Variants in TTC28 observed in about 807,000 individuals in gnomAD.
TTC28 encodes tetratricopeptide repeat domain 28.
In TTC28, 61 loss-of-function variants were observed where a neutral mutation model predicts 198.0. That is an observed-to-expected ratio of 0.31 (90% confidence interval 0.25 to 0.38). The LOEUF is 0.38. Among genes scored for constraint, TTC28 ranks in the 10% least tolerant of loss-of-function variants. The probability of loss-of-function intolerance (pLI) is 1.00; values close to 1 mark genes in which losing one functional copy is unlikely to be tolerated. For missense variants in TTC28, 2,678 were observed against 3,164.0 expected, an observed-to-expected ratio of 0.85 and a Z score of 3.69; for synonymous variants, 1,171 against 1,297.8, an observed-to-expected ratio of 0.90 and a Z score of 2.10.
chr22:28,357,070 A>G (rs892756712), intron 2 of TTC28, among the ~76,000 whole-genome samples: 1 of 152,132 alleles, frequency 6.6e-6, no homozygotes, highest in Non-Finnish European at 1.5e-5. Flanking sequence ...AAATCTATAA[A>G]TACACATAAA....
intron 6 of TTC28, among the ~76,000 whole-genome samples, chr22:28,158,724 A>C (rs1351745618): frequency 7.9e-5 from 12 of 152,202 alleles, no homozygotes; most frequent in Non-Finnish European, 2.9e-5. Context: ...GAAGAATGAA[A>C]CTAGACCCCT....
intron 5 of TTC28, among the ~76,000 whole-genome samples, chr22:28,168,358 T>C: frequency 6.6e-6 from 1 of 152,170 alleles, no homozygotes. Flanking sequence ...GAGCCCGCAT[T>C]GCCAAGTCAA....
chr22:28,536,264 AG>A (rs2049276037), intron 2 of TTC28, among the ~76,000 whole-genome samples: 2 of 151,690 alleles, frequency 1.3e-5, no homozygotes, highest in Admixed American at 1.3e-4. Context: ...CAACAAAAAA[AG>A]ATTAATAATC....
chr22:28,599,491 A>G (rs1194695191), intron 2 of TTC28, among the ~76,000 whole-genome samples: 1 of 152,190 alleles, frequency 6.6e-6, no homozygotes, highest in Non-Finnish European at 1.5e-5. Flanking sequence ...AATCCAAGTA[A>G]TTCAGTCTAT....
intron 5 of TTC28, among the ~76,000 whole-genome samples, chr22:28,198,277 AC>A: frequency 6.6e-6 from 1 of 151,966 alleles, no homozygotes; most frequent in East Asian, 1.9e-4. Flanking sequence ...CCAGCAACAC[AC>A]CCCCTCAAAA....
At chr22:28,335,801 T>A (rs1465214887) in intron 2 of TTC28, among the ~76,000 whole-genome samples, 1 of 152,194 alleles carries the variant, frequency 6.6e-6, no homozygotes, top group African/African-American at 2.4e-5. Context: ...CAATTTGACT[T>A]CCTCTTTTCC....
intron 2 of TTC28, among the ~76,000 whole-genome samples, chr22:28,486,027 T>C (rs183308995): frequency 1.5e-3 from 223 of 152,172 alleles, no homozygotes; most frequent in Non-Finnish European, 2.7e-3. Context: ...TAACCCATCT[T>C]GCCAAAAAGA....
intron 2 of TTC28, among the ~76,000 whole-genome samples, chr22:28,577,645 C>T (rs957147599): frequency 6.6e-6 from 1 of 152,066 alleles, no homozygotes; most frequent in Non-Finnish European, 1.5e-5. Context: ...CTGCATGCCC[C>T]AGTGTTGGGT....
At chr22:28,444,976 C>T (rs1157976863) in intron 2 of TTC28, among the ~76,000 whole-genome samples, 2 of 152,172 alleles carry the variant, frequency 1.3e-5, no homozygotes, top group African/African-American at 4.8e-5. Flanking sequence ...GGATATGCTA[C>T]TAGCACAGAA....
chr22:28,422,955 T>C (rs2047285088), intron 2 of TTC28, among the ~76,000 whole-genome samples: 1 of 152,226 alleles, frequency 6.6e-6, no homozygotes, highest in African/African-American at 2.4e-5. Flanking sequence ...GTCACCTACT[T>C]CTTCACTTAA....
chr22:28,121,197 C>T (rs946432731), intron 6 of TTC28, among the ~76,000 whole-genome samples: 1 of 152,144 alleles, frequency 6.6e-6, no homozygotes, highest in Non-Finnish European at 1.5e-5. Context: ...AAATCTGAAA[C>T]CCCATTTACC....
intron 13 of TTC28, among the ~76,000 whole-genome samples, chr22:28,022,147 G>C (rs1008147166): frequency 6.6e-6 from 1 of 152,234 alleles, no homozygotes; most frequent in Non-Finnish European, 1.5e-5. Flanking sequence ...CTGCTCTCTG[G>C]GGAGCCGAAG....
chr22:28,590,050 A>AAAAAAAAAAAC (rs1469778895), intron 2 of TTC28, among the ~76,000 whole-genome samples: 1 of 146,956 alleles, frequency 6.8e-6, no homozygotes, highest in Non-Finnish European at 1.5e-5. Flanking sequence ...AAAAAAAAAA[A>AAAAAAAAAAAC]AAAAAAAAAA....
intron 2 of TTC28, among the ~76,000 whole-genome samples, chr22:28,390,118 A>C (rs2046690104): frequency 6.6e-6 from 1 of 152,010 alleles, no homozygotes. Context: ...GTCATTCAGG[A>C]GCAGGTTGTT....
intron 6 of TTC28, among the ~76,000 whole-genome samples, chr22:28,144,238 T>C (rs1191044560): frequency 6.6e-6 from 1 of 152,238 alleles, no homozygotes. Flanking sequence ...AGCTCATAAA[T>C]GGCAGAGCTA....
intron 6 of TTC28, among the ~76,000 whole-genome samples, chr22:28,141,879 C>G (rs1042714790): frequency 1.1e-4 from 17 of 152,198 alleles, no homozygotes; most frequent in African/African-American, 1.7e-4. Flanking sequence ...CACATCAACA[C>G]AGGCACAAGG....
intron 2 of TTC28, among the ~76,000 whole-genome samples, chr22:28,373,331 CA>C (rs2046364752): frequency 6.6e-6 from 1 of 151,314 alleles, no homozygotes; most frequent in Non-Finnish European, 1.5e-5. Context: ...ATATGGTACA[CA>C]AAAGTTTAAT....
intron 2 of TTC28, among the ~76,000 whole-genome samples, chr22:28,568,212 G>A (rs755561173): frequency 6.6e-6 from 1 of 152,122 alleles, no homozygotes; most frequent in Non-Finnish European, 1.5e-5. Context: ...TGCCAGAAAA[G>A]GGGAAAAGAG....
At position 28,203,002 on chromosome 22, in the gene TTC28, C is replaced by T. The variant is rs183119961; in HGVS notation, c.934-39403G>A. On this transcript the variant is annotated intron_variant, in intron 5 of 22. Coordinates refer to ENST00000397906, the MANE Select transcript of TTC28 (RefSeq NM_001145418.2). ...TTACCACTTTTATGAACATTTGACA[C>T]GATTATTGTATAGTATGAATACATA... is the stretch of plus-strand genomic sequence containing the variant. Among the ~76,000 whole-genome samples the T allele has an allele frequency of 8.6e-5, 13 of 151,936 alleles. No homozygotes were observed. In the East Asian group the frequency reaches 1.4e-3, roughly 16 times the overall value.
Sources: allele counts gnomAD v4.1 joint callset (sites outside exome capture counted in the v4.1 genomes callset), GRCh38; gene constraint gnomAD v4.1.1; transcripts MANE v1.5; gene names NCBI Gene and HGNC (gene_info 2026-07-23, HGNC 2026-07-21).